FGGY: variants seen among roughly 807,000 people sequenced by gnomAD.
FGGY encodes the protein FGGY carbohydrate kinase domain containing.
FGGY carries 72 observed loss-of-function variants against 71.3 expected under a neutral mutation model. The ratio of observed to expected loss-of-function variants is 1.01; its 90% CI spans 0.84 to 1.23. FGGY has a LOEUF of 1.23. Among genes scored for constraint, FGGY ranks in the 50% most tolerant of loss-of-function variants. The pLI is 0.00. For missense variants in FGGY, 668 were observed against 682.3 expected (o/e 0.98, Z 0.23); for synonymous variants, 251 against 250.3 (o/e 1.00, Z -0.02).
intron 4 of FGGY, among the ~76,000 whole-genome samples, chr1:59,367,984 G>A (rs1286584992): frequency 2.0e-5 from 3 of 152,194 alleles, no homozygotes; most frequent in Non-Finnish European, 4.4e-5. Context: ...TTGTTGGAAT[G>A]CAGAAGGCTT....
At chr1:59,620,246 C>T (rs1289321039) in intron 9 of FGGY, among the ~76,000 whole-genome samples, 1 of 151,896 alleles carries the variant, frequency 6.6e-6, no homozygotes, top group Non-Finnish European at 1.5e-5. Context: ...ATTCTTGACT[C>T]TTCCTTTCCC....
intron 8 of FGGY, among the ~76,000 whole-genome samples, chr1:59,599,941 C>CA (rs1479822176): frequency 6.6e-6 from 1 of 152,044 alleles, no homozygotes; most frequent in Non-Finnish European, 1.5e-5. Context: ...AAAGCTACAT[C>CA]AGACAGTCCC....
At chr1:59,554,930 A>G (rs1251322413) in intron 8 of FGGY, among the ~76,000 whole-genome samples, 1 of 152,158 alleles carries the variant, frequency 6.6e-6, no homozygotes, top group African/African-American at 2.4e-5. Context: ...GATAAGTATA[A>G]TAGAGGGCAG....
intron 6 of FGGY, among the ~76,000 whole-genome samples, chr1:59,491,686 A>T: frequency 7.5e-6 from 1 of 132,930 alleles, no homozygotes; most frequent in Non-Finnish European, 1.6e-5. Context: ...TTTCCAGTTT[A>T]GCTGTTCTTT....
chr1:59,711,683 G>A (rs559379877), intron 14 of FGGY, among the ~76,000 whole-genome samples: 5 of 152,136 alleles, frequency 3.3e-5, no homozygotes, highest in Non-Finnish European at 7.4e-5. Flanking sequence ...CATGAATGAC[G>A]GCAAGCAAAG....
chr1:59,506,272 C>G (rs186439914), intron 6 of FGGY, among the ~76,000 whole-genome samples: 1 of 152,172 alleles, frequency 6.6e-6, no homozygotes, highest in East Asian at 1.9e-4. Flanking sequence ...GGATCCCAAC[C>G]CATGCTGTGA....
At chr1:59,429,555 A>G (rs2066968961) in intron 5 of FGGY, among the ~76,000 whole-genome samples, 2 of 152,218 alleles carry the variant, frequency 1.3e-5, no homozygotes, top group African/African-American at 4.8e-5. Flanking sequence ...AAAGTAATTT[A>G]CTGGCCAAGT....
At chr1:59,493,975 A>T (rs1051438656) in intron 6 of FGGY, among the ~76,000 whole-genome samples, 1 of 152,218 alleles carries the variant, frequency 6.6e-6, no homozygotes, top group Middle Eastern at 3.2e-3. Flanking sequence ...TTTTAGGGCT[A>T]AATCACTTGC....
chr1:59,757,102 T>A (rs1283421356), intron 14 of FGGY, among the ~76,000 whole-genome samples: 1 of 152,208 alleles, frequency 6.6e-6, no homozygotes, highest in Non-Finnish European at 1.5e-5. Flanking sequence ...TAGCCGTTCC[T>A]AAGACTGAGC....
chr1:59,682,410 T>A (rs11207503), intron 14 of FGGY, among the ~76,000 whole-genome samples: 114,033 of 152,140 alleles, frequency 0.75, 42,960 homozygotes, highest in African/African-American at 0.79. Context: ...CCCTCAAATT[T>A]GAGTAATTTG....
intron 5 of FGGY, among the ~76,000 whole-genome samples, chr1:59,426,143 A>G (rs943133783): frequency 5.3e-5 from 8 of 152,124 alleles, no homozygotes; most frequent in African/African-American, 1.7e-4. Flanking sequence ...CTCTCACCCC[A>G]TTCTACCTGA....
intron 1 of FGGY, among the ~76,000 whole-genome samples, chr1:59,320,175 C>T (rs952505788): frequency 2.6e-5 from 4 of 152,096 alleles, no homozygotes; most frequent in African/African-American, 9.7e-5. Flanking sequence ...AGCCACAGAG[C>T]CAAAAGGGGG....
At chr1:59,739,685 T>G (rs1269510809) in intron 14 of FGGY, among the ~76,000 whole-genome samples, 1 of 152,212 alleles carries the variant, frequency 6.6e-6, no homozygotes, top group Admixed American at 6.5e-5. Context: ...AGAATTTTTT[T>G]TTCACTTTCC....
intron 7 of FGGY, among the ~76,000 whole-genome samples, chr1:59,544,873 C>G (rs547365838): frequency 6.6e-6 from 1 of 152,172 alleles, no homozygotes; most frequent in Admixed American, 6.5e-5. Context: ...CAGTTTTGTA[C>G]CATCTGGCTA....
intron 6 of FGGY, among the ~76,000 whole-genome samples, chr1:59,466,276 T>C (rs111635609): frequency 6.6e-6 from 1 of 152,114 alleles, no homozygotes; most frequent in Non-Finnish European, 1.5e-5. Flanking sequence ...ATTTAATAAA[T>C]GGTGCTGGGA....
chr1:59,706,781 C>T (rs1188554249), intron 14 of FGGY, among the ~76,000 whole-genome samples: 1 of 152,198 alleles, frequency 6.6e-6, no homozygotes, highest in African/African-American at 2.4e-5. Context: ...CTAACCTCTT[C>T]AACATTCAGT....
chr1:59,761,637 A>G (rs1256366425), intron 15 of FGGY, among the ~76,000 whole-genome samples: 1 of 152,206 alleles, frequency 6.6e-6, no homozygotes, highest in African/African-American at 2.4e-5. Context: ...CTGCTGTCTG[A>G]TTCATGGCCA....
intron 4 of FGGY, among the ~76,000 whole-genome samples, chr1:59,365,223 G>A (rs191724947): frequency 6.6e-6 from 1 of 152,276 alleles, no homozygotes; most frequent in Non-Finnish European, 1.5e-5. Context: ...ACATTTGGAT[G>A]AGGTAAGATC....
chr1:59,394,884 C>T (rs2061141626), intron 5 of FGGY, among the ~76,000 whole-genome samples: 1 of 152,112 alleles, frequency 6.6e-6, no homozygotes, highest in South Asian at 2.1e-4. Context: ...CTTTCAGCCA[C>T]ATCAGACATC....
Sources: allele counts gnomAD v4.1 joint callset (sites outside exome capture counted in the v4.1 genomes callset), GRCh38; gene constraint gnomAD v4.1.1; transcripts MANE v1.5; gene names NCBI Gene and HGNC (gene_info 2026-07-23, HGNC 2026-07-21).